KPNA6: variants seen among roughly 807,000 people sequenced by gnomAD.
The protein encoded by KPNA6 is karyopherin subunit alpha 6, also known as importin subunit alpha-7.
A neutral mutation model predicts 72.0 loss-of-function variants in KPNA6; 9 were observed. That is an observed-to-expected ratio of 0.13 (90% CI 0.08 to 0.22). The LOEUF (loss-of-function observed/expected upper bound fraction) is 0.22, where lower values mean the gene tolerates loss of function less well. Ranked by LOEUF, KPNA6 falls within the 10% of genes least tolerant of loss-of-function variation. KPNA6 has a pLI of 1.00. For synonymous variants in KPNA6, 219 were observed against 242.1 expected (o/e 0.90, Z 0.89); for missense variants, 374 against 655.7 (o/e 0.57, Z 4.69).
At chr1:32,126,460 C>T (rs774569229) in intron 1 of KPNA6, among the ~76,000 whole-genome samples, 9 of 152,138 alleles carry the variant, frequency 5.9e-5, no homozygotes, top group Admixed American at 5.9e-4. Flanking sequence ...TCTTGGCTCA[C>T]TGCAACCTCT....
chr1:32,131,041 C>T (rs1641626594), intron 1 of KPNA6, among the ~76,000 whole-genome samples: 1 of 152,118 alleles, frequency 6.6e-6, no homozygotes, highest in African/African-American at 2.4e-5. Flanking sequence ...CACCCATAAT[C>T]CCAGCACTTT....
chr1:32,119,025 TA>T (rs1333866373), intron 1 of KPNA6, among the ~76,000 whole-genome samples: 2,500 of 85,266 alleles, frequency 0.029, 33 homozygotes, highest in Non-Finnish European at 0.034. Context: ...TATATATATA[TA>T]TATATATTTT....
chr1:32,135,520 G>T (rs1178009393), intron 1 of KPNA6, among the ~76,000 whole-genome samples: 38 of 149,432 alleles, frequency 2.5e-4, no homozygotes, highest in Non-Finnish European at 5.3e-4. Flanking sequence ...TTTTTTAGAG[G>T]CAGGGTCTAA....
chr1:32,140,994 C>G lies in KPNA6; in HGVS notation c.5-13594C>G, dbSNP rs933563030. ...CTATCACTTGTGTATTGTGGGTTAT[C>G]TTCTCACCCATCACATCCCAGCATC... On this transcript the variant is annotated intron_variant, in intron 1 of 13. Transcript: ENST00000373625. 2.0e-5 allele frequency among the ~76,000 whole-genome samples: 3 copies of G among 152,218 alleles called. No homozygotes were observed. In the East Asian group the frequency reaches 5.8e-4, roughly 29 times the overall value.
chr1:32,150,103 G>A (rs919491411), intron 1 of KPNA6, among the ~76,000 whole-genome samples: 1 of 147,746 alleles, frequency 6.8e-6, no homozygotes, highest in Non-Finnish European at 1.5e-5. Flanking sequence ...GGGTTAATGG[G>A]ATTAGATCTG....
At chr1:32,131,976 T>A (rs1229518366) in intron 1 of KPNA6, among the ~76,000 whole-genome samples, 1 of 151,522 alleles carries the variant, frequency 6.6e-6, no homozygotes, top group Non-Finnish European at 1.5e-5. Context: ...TTTATTTATT[T>A]TTTATTTTTT....
chr1:32,124,575 C>T (rs903068533), intron 1 of KPNA6, among the ~76,000 whole-genome samples: 7 of 150,894 alleles, frequency 4.6e-5, no homozygotes, highest in East Asian at 2.0e-4. Flanking sequence ...GGCACGATCT[C>T]GGCTCACTGC....
Position 32,160,299 on chromosome 1 carries a change from C to CAA in KPNA6, c.559-296_559-295dup, listed in dbSNP as rs535456428. ...TGGGTGACAGAGCGAGACTCCGTCT[C>CAA]AAAAAAAAAAAAAAAAAAAAATGCA... On this transcript the variant is annotated intron_variant, in intron 6 of 13. Coordinates refer to ENST00000373625, the MANE Select transcript of KPNA6 (RefSeq NM_012316.5). 6.1e-3 allele frequency among the ~76,000 whole-genome samples: 470 copies of CAA among 77,282 alleles called. 2 individuals carry two copies. Among genetic ancestry groups the CAA allele is most frequent in the South Asian group, 0.021 (59 of 2,838 alleles). 50.7% of individuals were successfully genotyped at this position (77,282 alleles called of 152,430 possible). A position where few individuals can be genotyped will look rare whatever the true frequency, so the allele number is the denominator to read the frequency against.
In KPNA6 at chr1:32,171,030, C is replaced by T. The variant is rs904719199; in HGVS notation, c.*136C>T. 13 of 712,784 alleles carry T rather than the reference C, an allele frequency of 1.8e-5. No homozygotes were observed. The highest frequency in any genetic ancestry group is 2.8e-5 in the Non-Finnish European group (12 of 429,584). The allele number at this position is 712,784 out of a possible 1,614,324, so 44.2% of individuals were successfully genotyped here. On this transcript the variant is annotated 3_prime_UTR_variant, in exon 14 of 14. Transcript: ENST00000373625. ...GCTGCCCTGGAGACTGTGCTCTTGA[C>T]CTGCTCCGCCCCCTTCCCTGGAGGG...
intron 2 of KPNA6, 57 bp from the exon 3 acceptor site, chr1:32,156,796 G>T (rs949431279): frequency 2.3e-6 from 3 of 1,317,330 alleles, no homozygotes; most frequent in South Asian, 1.2e-5. Context: ...ACATTGGATT[G>T]TTCTTTGTTT....
At position 32,122,102 on chromosome 1, in the gene KPNA6, C is replaced by G. The variant is rs187029040; in HGVS notation, c.4+13968C>G. 2.7e-4 allele frequency among the ~76,000 whole-genome samples: 41 copies of G among 151,904 alleles called. No homozygotes were observed. The East Asian group carries it at 5.2e-3, about 19-fold the overall frequency. On this transcript the variant is annotated intron_variant, in intron 1 of 13. Coordinates refer to ENST00000373625, the MANE Select transcript of KPNA6 (RefSeq NM_012316.5). The stretch of plus-strand genomic sequence containing the variant: ...CAGCCTGGCCAACATGGTGAAACCC[C>G]GTCTGTACTAAAAATACAAAAATTA...
chr1:32,157,708 C>A (rs1642169001), intron 4 of KPNA6, among the ~76,000 whole-genome samples: 1 of 152,078 alleles, frequency 6.6e-6, no homozygotes, highest in Admixed American at 6.6e-5. Flanking sequence ...TTTTACCTTG[C>A]CCTACATATT....
At chr1:32,167,478 GCCATGTGGGAATCTATT>G (rs1312703981) in intron 12 of KPNA6, among the ~76,000 whole-genome samples, 182 bp downstream of exon 12, 6 of 151,980 alleles carry the variant, frequency 3.9e-5, no homozygotes, top group Non-Finnish European at 7.4e-5. Context: ...TTCCATGTAA[GCCATGTGGGAATCTATT>G]CCAGATTCCA....
chr1:32,150,921 C>T (rs1642020738), intron 1 of KPNA6, among the ~76,000 whole-genome samples: 2 of 151,592 alleles, frequency 1.3e-5, no homozygotes, highest in African/African-American at 2.4e-5. Context: ...CACCACGCCC[C>T]GGCTGTTTTT....
intron 6 of KPNA6, among the ~76,000 whole-genome samples, 162 bp from the exon 7 acceptor site, chr1:32,160,453 T>G (rs866382018): frequency 6.6e-6 from 1 of 152,320 alleles, no homozygotes; most frequent in Middle Eastern, 3.4e-3. Flanking sequence ...GAACAAGTGC[T>G]CAGTAAGAAT....
chr1:32,132,832 G>C (rs1374205966), intron 1 of KPNA6, among the ~76,000 whole-genome samples: 1 of 152,142 alleles, frequency 6.6e-6, no homozygotes. Flanking sequence ...GAACCTGGGA[G>C]GCGGAGCTTG....
intron 1 of KPNA6, among the ~76,000 whole-genome samples, chr1:32,120,871 CT>C (rs767698422): frequency 0.019 from 2,348 of 120,532 alleles, 37 homozygotes; most frequent in African/African-American, 0.059. Flanking sequence ...GGAGTTCCTT[CT>C]TTTTTTTTTT....
intron 9 of KPNA6, among the ~76,000 whole-genome samples, chr1:32,162,794 C>T (rs1642262376): frequency 6.6e-6 from 1 of 151,384 alleles, no homozygotes; most frequent in Non-Finnish European, 1.5e-5. Flanking sequence ...GAGATCGTGC[C>T]ATTGCACTCC....
intron 1 of KPNA6, among the ~76,000 whole-genome samples, chr1:32,117,665 G>A (rs138863540): frequency 4.8e-4 from 73 of 152,054 alleles, no homozygotes; most frequent in African/African-American, 1.4e-3. Context: ...ACACAGTATC[G>A]GTGAATCACA....
Sources: gnomAD v4.1 joint callset for allele counts (sites outside exome capture counted in the v4.1 genomes callset) on GRCh38, gnomAD v4.1.1 for gene constraint, MANE v1.5 for transcripts, NCBI Gene and HGNC (gene_info 2026-07-23, HGNC 2026-07-21) for gene names.